MED12L: variants seen among roughly 807,000 people sequenced by gnomAD.
MED12L encodes the protein mediator complex subunit 12L.
Under a neutral mutation model 281.3 loss-of-function variants are expected in MED12L, and 60 were observed. That is an observed-to-expected ratio of 0.21 (90% confidence interval 0.17 to 0.26). MED12L has a LOEUF of 0.26. Among genes scored for constraint, MED12L ranks in the 10% least tolerant of loss-of-function variants. The pLI is 1.00. For synonymous variants in MED12L, 974 were observed against 987.2 expected, an observed-to-expected ratio of 0.99 and a Z score of 0.25; for missense variants, 2,146 against 2,680.9, an observed-to-expected ratio of 0.80 and a Z score of 4.41.
chr3:151,368,221 C>T lies in MED12L; in HGVS notation c.3520C>T (p.Pro1174Ser). ...ACTCTTGCTTCATCTCTTCCGAGCT[C>T]CCCAGGCCTGCTTCTTACCTCAAGC... ...CRLLLHLFRAPQACFLPQATG... is the reference protein window; with the variant it reads ...CRLLLHLFRASQACFLPQATG... Residue 1174 changes from proline (P) to serine (S), a missense_variant, in exon 25 of 45, where the codon CCC becomes TCC. By Grantham distance (74) the Pro-to-Ser change is moderately conservative (BLOSUM62 -1). Transcript: ENST00000687756. 6.2e-7 allele frequency: 1 copy of T among 1,614,052 alleles called. No homozygotes were observed. The highest frequency in any genetic ancestry group is 2.2e-5 in the East Asian group (1 of 44,886).
intron 16 of MED12L, among the ~76,000 whole-genome samples, chr3:151,230,715 T>TA (rs1005092660): frequency 1.3e-5 from 2 of 152,024 alleles, no homozygotes; most frequent in African/African-American, 2.4e-5. Flanking sequence ...AAGTCCTTAA[T>TA]AAAAAAAAGT....
intron 43 of MED12L, among the ~76,000 whole-genome samples, chr3:151,425,150 C>G (rs529314847): frequency 1.3e-5 from 2 of 152,324 alleles, no homozygotes; most frequent in South Asian, 4.1e-4. Context: ...GGTGTCCAGA[C>G]CATCTGAGCA....
At chr3:151,336,287 G>A (rs1451480330) in intron 16 of MED12L, among the ~76,000 whole-genome samples, 1 of 152,166 alleles carries the variant, frequency 6.6e-6, no homozygotes, top group Non-Finnish European at 1.5e-5. Context: ...AACTGTCTCT[G>A]TATCTCCACT....
intron 16 of MED12L, among the ~76,000 whole-genome samples, chr3:151,291,400 A>C (rs946712676): frequency 5.3e-5 from 8 of 152,176 alleles, no homozygotes; most frequent in Non-Finnish European, 1.0e-4. Context: ...GGTTTAATGA[A>C]TATAACAGTC....
At chr3:151,377,591 G>A (rs1711506384) in intron 30 of MED12L, among the ~76,000 whole-genome samples, 1 of 152,146 alleles carries the variant, frequency 6.6e-6, no homozygotes, top group African/African-American at 2.4e-5. Flanking sequence ...ATGAAAGGCT[G>A]ATTTGTATTT....
At chr3:151,241,846 T>A (rs1394526560) in intron 16 of MED12L, 8 of 154,194 alleles carry the variant, frequency 5.2e-5, no homozygotes, top group African/African-American at 1.5e-4. Context: ...CAGAAGACGG[T>A]GATTTCTGCA....
chr3:151,139,800 G>T (rs867485686), intron 5 of MED12L, among the ~76,000 whole-genome samples: 2 of 139,104 alleles, frequency 1.4e-5, no homozygotes, highest in South Asian at 2.2e-4. Context: ...AAAATAATTT[G>T]CTTTTGGAGA....
In MED12L at chr3:151,334,272, A is replaced by G. The variant is rs558691439; in HGVS notation, c.2251-15787A>G. Among the ~76,000 whole-genome samples, 5 of 144,866 alleles carry G rather than the reference A, an allele frequency of 3.5e-5. No individual in the cohort carries two copies. The South Asian group carries it at 6.5e-4, about 19-fold the overall frequency. ...TTGCCCCATTTAAAAAAAAAAGGCG[A>G]TTTCTCACTACCTATTGATTATGAA... On this transcript the variant is annotated intron_variant, in intron 16 of 44. Coordinates refer to ENST00000687756, the MANE Select transcript of MED12L (RefSeq NM_001393769.1).
chr3:151,216,180 T>C lies in MED12L; in HGVS notation c.2250+22514T>C, dbSNP rs562453731. Among the ~76,000 whole-genome samples the C allele has an allele frequency of 2.0e-5, 3 of 152,316 alleles. No individual in the cohort carries two copies. In the East Asian group the frequency reaches 5.8e-4, roughly 29 times the overall value. ...AATTCTTTGCATAATATTTAGGGCA[T>C]TAGATAGTTAAAATATTTGTGAAAT... is the stretch of plus-strand genomic sequence containing the variant. On this transcript the variant is annotated intron_variant, in intron 16 of 44. Transcript: ENST00000687756.
rs561360107 is a variant in MED12L, at chr3:151,394,610, T to G, written c.5609-46T>G. On this transcript the variant is annotated intron_variant, in intron 38 of 44. Transcript: ENST00000687756. ...TGTTTTGATACATAAAAAGACCTGT[T>G]GCATTAACGTAGTTAGAAAGTGTTT... 4 of 1,605,580 alleles carry G rather than the reference T, an allele frequency of 2.5e-6. No individual in the cohort carries two copies. The African/African-American group carries it at 5.4e-5, about 22-fold the overall frequency.
chr3:151,257,824 C>T (rs1738111218), intron 16 of MED12L, among the ~76,000 whole-genome samples: 1 of 152,210 alleles, frequency 6.6e-6, no homozygotes, highest in African/African-American at 2.4e-5. Context: ...ATGTGGACCA[C>T]TTGGCTTAGA....
intron 26 of MED12L, among the ~76,000 whole-genome samples, chr3:151,371,550 G>T (rs9849395): frequency 0.9 from 136,675 of 152,256 alleles, 61,489 homozygotes; most frequent in African/African-American, 0.96. Flanking sequence ...TAAATACTCA[G>T]TAAGCCATTT....
chr3:151,307,531 CTCTGTGTGTGTGTGTG>C (rs1274249236), intron 16 of MED12L, among the ~76,000 whole-genome samples: 5,962 of 120,500 alleles, frequency 0.049, 405 homozygotes, highest in African/African-American at 0.17. Flanking sequence ...AGGTAACTTG[CTCTGTGTGTGTGTGTG>C]TGTGTGTGTG....
At chr3:151,193,719 A>G (rs772151447) in intron 16 of MED12L, 53 bp downstream of exon 16, 7 of 1,443,852 alleles carry the variant, frequency 4.8e-6, no homozygotes, top group Non-Finnish European at 6.7e-6. Flanking sequence ...TATAAGATCA[A>G]TAACTGTTGA....
At chr3:151,227,905 A>C (rs751965896) in intron 16 of MED12L, among the ~76,000 whole-genome samples, 5 of 152,102 alleles carry the variant, frequency 3.3e-5, no homozygotes, top group Non-Finnish European at 7.4e-5. Flanking sequence ...GCCTGTATCC[A>C]CTAGGTGGCA....
intron 5 of MED12L, among the ~76,000 whole-genome samples, chr3:151,136,395 A>C (rs1245870199): frequency 6.6e-6 from 1 of 152,226 alleles, no homozygotes; most frequent in Non-Finnish European, 1.5e-5. Flanking sequence ...TGTTCCTTCT[A>C]TCTCATTTGT....
chr3:151,107,748 ACT>A (rs36114595), intron 2 of MED12L, among the ~76,000 whole-genome samples: 3,857 of 152,268 alleles, frequency 0.025, 127 homozygotes, highest in East Asian at 0.18. Flanking sequence ...ACTGTGCTAA[ACT>A]CTGCACATTT....
At chr3:151,425,972 G>T (rs1409887557) in intron 43 of MED12L, among the ~76,000 whole-genome samples, 1 of 152,176 alleles carries the variant, frequency 6.6e-6, no homozygotes. Flanking sequence ...GCACAGAGGG[G>T]AGAGATCATC....
chr3:151,347,522 G>A (rs1214386628), intron 16 of MED12L, among the ~76,000 whole-genome samples: 5 of 152,168 alleles, frequency 3.3e-5, no homozygotes, highest in Non-Finnish European at 5.9e-5. Context: ...CAATAAACTG[G>A]AGTGACAGAG....
Sources: allele counts gnomAD v4.1 joint callset (sites outside exome capture counted in the v4.1 genomes callset), GRCh38; gene constraint gnomAD v4.1.1; transcripts MANE v1.5; gene names NCBI Gene and HGNC (gene_info 2026-07-23, HGNC 2026-07-21).